The following GLIS3 variants were observed in gnomAD, a reference collection of about 807,000 sequenced individuals.
The protein encoded by GLIS3 is GLIS family zinc finger 3.
Under a neutral mutation model 78.6 loss-of-function variants are expected in GLIS3, and 53 were observed. The ratio of observed to expected loss-of-function variants is 0.67; its 90% CI spans 0.54 to 0.85. The LOEUF (loss-of-function observed/expected upper bound fraction) is 0.85. Ranked by LOEUF, GLIS3 falls within the 40% of genes least tolerant of loss-of-function variation. The probability of loss-of-function intolerance (pLI) is 0.00; values close to 1 mark genes in which losing one functional copy is unlikely to be tolerated. For synonymous variants in GLIS3, 684 were observed against 509.9 expected (o/e 1.34, Z -4.60); for missense variants, 1,703 against 1,231.1 (o/e 1.38, Z -5.74).
At chr9:4,440,080 T>C in the GLIS3 span, among the ~76,000 whole-genome samples, 1 of 152,220 alleles carries the variant, frequency 6.6e-6, no homozygotes, top group African/African-American at 2.4e-5. Context: ...CCTTTTATAT[T>C]TTGGATATCA....
At chr9:4,260,166 C>T (rs933670970) in intron 2 of GLIS3, among the ~76,000 whole-genome samples, 1 of 152,204 alleles carries the variant, frequency 6.6e-6, no homozygotes, top group African/African-American at 2.4e-5. Flanking sequence ...GGGCCAGGCC[C>T]GATGGCCTGT....
At chr9:4,061,157 C>A (rs954391762) in intron 4 of GLIS3, among the ~76,000 whole-genome samples, 1 of 151,758 alleles carries the variant, frequency 6.6e-6, no homozygotes, top group Admixed American at 6.6e-5. Context: ...TGTTGGTGTG[C>A]TGCACCCATT....
At chr9:4,128,176 T>G (rs1346571925) in intron 2 of GLIS3, among the ~76,000 whole-genome samples, 1 of 152,226 alleles carries the variant, frequency 6.6e-6, no homozygotes, top group African/African-American at 2.4e-5. Context: ...CCCTAACTTA[T>G]CCACCTAGTG....
chr9:3,939,978 A>C (rs1826112324), intron 4 of GLIS3, among the ~76,000 whole-genome samples: 1 of 152,336 alleles, frequency 6.6e-6, no homozygotes, highest in East Asian at 1.9e-4. Context: ...TCACATTGAC[A>C]ATTCTGCCGA....
At chr9:4,316,479 A>G (rs1321778878) in intron 2 of GLIS3, among the ~76,000 whole-genome samples, 1 of 152,228 alleles carries the variant, frequency 6.6e-6, no homozygotes, top group African/African-American at 2.4e-5. Context: ...TTGTGATAAC[A>G]TTGATGAGAA....
At chr9:4,308,070 T>C (rs567192405) in intron 4 of GLIS3, among the ~76,000 whole-genome samples, 1 of 152,256 alleles carries the variant, frequency 6.6e-6, no homozygotes, top group South Asian at 2.1e-4. Context: ...GTCCTTACAG[T>C]ATTTAATGCT....
At chr9:4,184,323 G>A (rs1217782202) in intron 2 of GLIS3, among the ~76,000 whole-genome samples, 3 of 152,136 alleles carry the variant, frequency 2.0e-5, no homozygotes, top group African/African-American at 7.2e-5. Context: ...TTGTAAAGGA[G>A]AAAACTTGTT....
intron 4 of GLIS3, among the ~76,000 whole-genome samples, chr9:4,090,621 C>A (rs1829418221): frequency 6.6e-6 from 1 of 152,178 alleles, no homozygotes; most frequent in South Asian, 2.1e-4. Flanking sequence ...GCATTCAGGG[C>A]AAGGACACTG....
Position 4,094,493 on chromosome 9 carries a change from C to T in GLIS3, c.1710+23275G>A, listed in dbSNP as rs533570350. Among the ~76,000 whole-genome samples, 3 of 152,230 alleles carry T rather than the reference C, an allele frequency of 2.0e-5. No homozygotes were observed. The South Asian group carries it at 6.2e-4, about 32-fold the overall frequency. On this transcript the variant is annotated intron_variant, in intron 4 of 10. Transcript: ENST00000381971. ...AAAGGTCAAAGTGGGATAATATGATCCTCAACAATTTAGATTAGTAACATT... is the reference window on the plus strand; with the variant it reads ...AAAGGTCAAAGTGGGATAATATGATTCTCAACAATTTAGATTAGTAACATT...
Position 4,118,758 on chromosome 9 carries a change from G to A in GLIS3, c.720C>T (p.His240=), listed in dbSNP as rs752839353. Residue 240 remains histidine, a synonymous_variant, in exon 4 of 11, where the codon CAC becomes CAT. Transcript: ENST00000381971. The surrounding 1 kb of genome is among the most constrained non-coding windows in gnomAD (Gnocchi z 4.7). ...CTAGATCAAGGCCATTCTGAGAGCC[G>A]TGGTTGGAGAGCGAAGGGAGGGCCC... ...GYRALPSLSN[H]GSQNGLDLGD... 6.2e-6 allele frequency: 10 copies of A among 1,613,792 alleles called. No individual in the cohort carries two copies. Among genetic ancestry groups the A allele is most frequent in the African/African-American group, 2.7e-5 (2 of 75,038 alleles).
Position 3,912,345 on chromosome 9 carries a change from G to A in GLIS3, c.1984-13510C>T, listed in dbSNP as rs114847581. On this transcript the variant is annotated intron_variant, in intron 6 of 10. Transcript: ENST00000381971. ...AGCACAGTTTTCCAGGATGCATAGC[G>A]CCCTGGAATTATTCTATCTCAGGAG... 5.7e-3 allele frequency among the ~76,000 whole-genome samples: 868 copies of A among 152,158 alleles called. 17 individuals carry two copies. Among genetic ancestry groups the A allele is most frequent in the African/African-American group, 0.02 (842 of 41,510 alleles).
At chr9:4,044,219 G>C (rs1825063946) in intron 4 of GLIS3, among the ~76,000 whole-genome samples, 1 of 152,200 alleles carries the variant, frequency 6.6e-6, no homozygotes, top group Admixed American at 6.5e-5. Context: ...GGAACAGTGT[G>C]TGGCTCTTAA....
chr9:4,213,494 C>T (rs1266147435), intron 2 of GLIS3, among the ~76,000 whole-genome samples: 2 of 152,338 alleles, frequency 1.3e-5, no homozygotes, highest in East Asian at 3.9e-4. Context: ...TTGCACTCTC[C>T]ACTATGGTTG....
intron 2 of GLIS3, among the ~76,000 whole-genome samples, chr9:4,243,765 C>A (rs1366937974): frequency 6.6e-6 from 1 of 152,112 alleles, no homozygotes; most frequent in Non-Finnish European, 1.5e-5. Flanking sequence ...TAGGTGTAAT[C>A]CACGTTGAAG....
At chr9:3,984,615 G>A (rs1563919543) in intron 4 of GLIS3, among the ~76,000 whole-genome samples, 1 of 152,194 alleles carries the variant, frequency 6.6e-6, no homozygotes, top group Non-Finnish European at 1.5e-5. Context: ...GTAGACTTTT[G>A]AGTTAATGTT....
At chr9:4,415,801 C>CT in the GLIS3 span, among the ~76,000 whole-genome samples, 9 of 151,146 alleles carry the variant, frequency 6.0e-5, no homozygotes, top group African/African-American at 1.2e-4. Context: ...TTTAACTTTT[C>CT]TTTTTTTTAT....
the GLIS3 span, among the ~76,000 whole-genome samples, chr9:4,456,290 T>C: frequency 6.6e-6 from 1 of 152,222 alleles, no homozygotes; most frequent in Non-Finnish European, 1.5e-5. Flanking sequence ...TATTGATGGC[T>C]GCTGACAGAT....
the GLIS3 span, among the ~76,000 whole-genome samples, chr9:4,451,345 A>G: frequency 1.3e-5 from 2 of 152,232 alleles, no homozygotes; most frequent in East Asian, 3.8e-4. Flanking sequence ...CCAGATTCAT[A>G]AAACCAGTCC....
the GLIS3 span, among the ~76,000 whole-genome samples, chr9:4,384,251 C>A: frequency 2.1e-4 from 32 of 152,178 alleles, no homozygotes; most frequent in African/African-American, 7.5e-4. Flanking sequence ...ATGGAGGAAT[C>A]TTTTGAAACA....
Sources: allele counts gnomAD v4.1 joint callset (sites outside exome capture counted in the v4.1 genomes callset), GRCh38; gene constraint gnomAD v4.1.1; non-coding constraint Gnocchi (gnomAD v3.1); transcripts MANE v1.5; gene names NCBI Gene and HGNC (gene_info 2026-07-23, HGNC 2026-07-21).